The following MYO9A variants were observed in gnomAD, a reference collection of about 807,000 sequenced individuals.
MYO9A encodes the protein myosin IXA.
Under a neutral mutation model 293.3 loss-of-function variants are expected in MYO9A, and 103 were observed. The ratio of observed to expected loss-of-function variants is 0.35; its 90% CI spans 0.30 to 0.41. MYO9A has a LOEUF of 0.41. MYO9A is among the 10% of genes least tolerant of loss of function. MYO9A has a pLI of 1.00. For missense variants in MYO9A, 2,685 were observed against 3,033.0 expected (o/e 0.89, Z 2.69); for synonymous variants, 1,001 against 1,035.7 (o/e 0.97, Z 0.64).
At position 71,826,535 on chromosome 15, in the gene MYO9A, T is replaced by TTTG. The variant is rs769232842; in HGVS notation, c.*42_*44dup. 6.6e-7 allele frequency: 1 copy of TTTG among 1,518,486 alleles called. No individual in the cohort carries two copies. Among genetic ancestry groups the TTTG allele is most frequent in the East Asian group, 2.3e-5 (1 of 44,384 alleles). 94.1% of individuals were successfully genotyped at this position (1,518,486 alleles called of 1,614,324 possible). ...ATGAAACGCAGCCCCAAAGGTGAGA[T>TTTG]TTGTTTACCACTCTGTAGCCACGGA... On this transcript the variant is annotated 3_prime_UTR_variant, in exon 42 of 42. Transcript: ENST00000356056.
chr15:72,118,221 A>G (rs1596634144), upstream of MYO9A: 1 of 332,348 alleles, frequency 3.0e-6, no homozygotes, highest in Non-Finnish European at 5.3e-6. Context: ...ACGTGACGCC[A>G]CTGGAGAGTA....
At chr15:71,906,712 T>C (rs1397660655) in intron 19 of MYO9A, among the ~76,000 whole-genome samples, 2 of 149,462 alleles carry the variant, frequency 1.3e-5, no homozygotes, top group Admixed American at 6.7e-5. Context: ...GTAGATAACA[T>C]ACAGTTAGGT....
chr15:72,026,178 C>T (rs1428096519), intron 4 of MYO9A, among the ~76,000 whole-genome samples: 1 of 145,240 alleles, frequency 6.9e-6, no homozygotes, highest in African/African-American at 2.5e-5. Context: ...GAGGCTGAGG[C>T]AGGAGAATGG....
chr15:71,895,337 G>T (rs2057292261), intron 25 of MYO9A, among the ~76,000 whole-genome samples: 1 of 152,100 alleles, frequency 6.6e-6, no homozygotes, highest in Admixed American at 6.5e-5. Context: ...ATTTTCTTTA[G>T]ACTTCACCAT....
At chr15:72,048,171 G>A (rs919422974) in intron 1 of MYO9A, among the ~76,000 whole-genome samples, 6 of 151,906 alleles carry the variant, frequency 3.9e-5, no homozygotes, top group African/African-American at 9.7e-5. Flanking sequence ...AAGCCAAGGC[G>A]GGCGGATCAC....
intron 6 of MYO9A, among the ~76,000 whole-genome samples, chr15:72,017,454 T>A (rs1258081643): frequency 6.6e-6 from 1 of 152,158 alleles, no homozygotes; most frequent in Non-Finnish European, 1.5e-5. Context: ...CAAGGAGGCA[T>A]GGTCACTTGG....
chr15:72,116,519 A>C (rs760495325), intron 1 of MYO9A, among the ~76,000 whole-genome samples: 18 of 152,308 alleles, frequency 1.2e-4, no homozygotes, highest in Non-Finnish European at 1.9e-4. Flanking sequence ...TGGAGAAGCA[A>C]GACAGCAGCA....
intron 32 of MYO9A, among the ~76,000 whole-genome samples, chr15:71,871,148 G>A (rs2056498939): frequency 1.3e-5 from 2 of 152,180 alleles, no homozygotes; most frequent in African/African-American, 4.8e-5. Context: ...GCTGAGGCAG[G>A]AGAATCATGA....
intron 13 of MYO9A, among the ~76,000 whole-genome samples, chr15:71,963,491 C>T (rs1433950006): frequency 6.6e-6 from 1 of 152,098 alleles, no homozygotes; most frequent in Non-Finnish European, 1.5e-5. Flanking sequence ...TCTTGTTGCT[C>T]AGGCTGGAGT....
chr15:72,068,440 T>A (rs567947828), intron 1 of MYO9A, among the ~76,000 whole-genome samples: 1 of 152,142 alleles, frequency 6.6e-6, no homozygotes, highest in East Asian at 1.9e-4. Context: ...GTTCCCAAGA[T>A]ACTACAACTA....
At chr15:71,905,965 T>C (rs2057623999) in intron 19 of MYO9A, among the ~76,000 whole-genome samples, 1 of 152,060 alleles carries the variant, frequency 6.6e-6, no homozygotes, top group Non-Finnish European at 1.5e-5. Context: ...AATTGAGACA[T>C]ATCTCCTTTT....
At chr15:71,957,474 T>TA (rs1046496683) in intron 14 of MYO9A, among the ~76,000 whole-genome samples, 4 of 152,178 alleles carry the variant, frequency 2.6e-5, no homozygotes, top group Admixed American at 1.3e-4. Flanking sequence ...AAGTAATTTA[T>TA]AAAAAAAGTC....
At chr15:72,113,083 T>C (rs1596612388) in intron 1 of MYO9A, among the ~76,000 whole-genome samples, 1 of 152,318 alleles carries the variant, frequency 6.6e-6, no homozygotes, top group East Asian at 1.9e-4. Flanking sequence ...TTATATTTTT[T>C]AAAATGCTCA....
Position 71,827,038 on chromosome 15 carries a change from TTCTTTC to T in MYO9A, c.7184-1_7188del, listed in dbSNP as rs1391797406. 1 of 1,563,390 alleles carries T rather than the reference TTCTTTC, an allele frequency of 6.4e-7. No individual in the cohort carries two copies. The highest frequency in any genetic ancestry group is 2.1e-5 in the Admixed American group (1 of 48,776). ...GTCTTCAGGGAGCTAAGGGCTAAGC[TTCTTTC>T]TAATGCAAAAAAGAGACCAAAGATG... On this transcript the variant is annotated splice_acceptor_variant and coding_sequence_variant, in exon 42 of 42. Transcript: ENST00000356056. LOFTEE classifies it high-confidence loss of function.
intron 1 of MYO9A, among the ~76,000 whole-genome samples, chr15:72,061,447 A>G (rs1303947950): frequency 2.0e-5 from 3 of 152,168 alleles, no homozygotes; most frequent in Non-Finnish European, 4.4e-5. Context: ...CCTGGGCCAG[A>G]AGGGAACCCA....
chr15:71,904,987 A>G lies in MYO9A; in HGVS notation c.2705T>C (p.Met902Thr). The change falls in exon 20 of 42, where the codon ATG becomes ACG. Residue 902 changes from methionine (M) to threonine (T), a missense_variant. Physicochemically the swap from Met to Thr is moderately conservative, Grantham distance 81. Around this residue, in one of 10 missense-constraint regions of MYO9A, gnomAD observed 1,434 missense variants for 1,497.7 expected, o/e 0.96. Transcript: ENST00000356056. Reference sequence around the variant, plus strand: ...TGGTTCTGCTTGACCAAGTGTTTCCATTAGCTTGCTTAATGATGCCTGCAA... The same window carrying G: ...TGGTTCTGCTTGACCAAGTGTTTCCGTTAGCTTGCTTAATGATGCCTGCAA... ...AQFQASLSKL[M>T]ETLGQAEPYF... The G allele has an allele frequency of 1.2e-6, 2 of 1,604,198 alleles. No homozygotes were observed. The highest frequency in any genetic ancestry group is 1.7e-6 in the Non-Finnish European group (2 of 1,173,508).
intron 1 of MYO9A, among the ~76,000 whole-genome samples, chr15:72,066,896 T>C (rs543119817): frequency 5.3e-5 from 8 of 151,708 alleles, no homozygotes; most frequent in Non-Finnish European, 7.4e-5. Context: ...AACAACAAAT[T>C]AGTTATTTGT....
rs2055679764 is a variant in MYO9A, at chr15:71,852,245, T to A, written c.6362A>T (p.Asn2121Ile). The change falls in exon 36 of 42, where the codon AAT (asparagine) becomes ATT (isoleucine). Residue 2121 changes from asparagine to isoleucine, a missense_variant. Asn to Ile is a moderately radical substitution (Grantham distance 149). This residue lies in a region of MYO9A where 238 missense variants were observed against 269.1 expected (regional missense o/e 0.88). Coordinates refer to ENST00000356056, the MANE Select transcript of MYO9A (RefSeq NM_006901.4). ...QGLDTDAESV[N>I]LDDYNIHVIA... ...GACGTGTATGTTATAGTCATCTAGA[T>A]TTACACTCTCAGCATCTATTTAGAG... The A allele has an allele frequency of 6.2e-7, 1 of 1,611,128 alleles. No homozygotes were observed. Among genetic ancestry groups the A allele is most frequent in the Non-Finnish European group, 8.5e-7 (1 of 1,177,976 alleles).
At chr15:72,115,136 T>C (rs2080924925) in intron 1 of MYO9A, among the ~76,000 whole-genome samples, 1 of 152,256 alleles carries the variant, frequency 6.6e-6, no homozygotes, top group Non-Finnish European at 1.5e-5. Flanking sequence ...ATGCTTAAAC[T>C]AGAATAAGTT....
Sources: gnomAD v4.1 joint callset for allele counts (sites outside exome capture counted in the v4.1 genomes callset) on GRCh38, gnomAD v4.1.1 for gene constraint, gnomAD v4.1.1 regional missense constraint, MANE v1.5 for transcripts, NCBI Gene and HGNC (gene_info 2026-07-23, HGNC 2026-07-21) for gene names.